UNC93B1: variants seen among roughly 807,000 people sequenced by gnomAD.
UNC93B1 encodes protein unc-93 homolog B1.
UNC93B1 carries 33 observed loss-of-function variants against 56.8 expected under a neutral mutation model. That is an observed-to-expected ratio of 0.58 (90% CI 0.44 to 0.78). The LOEUF is 0.78. Ranked by LOEUF, UNC93B1 falls within the 30% of genes least tolerant of loss-of-function variation. UNC93B1 has a pLI of 0.00. For synonymous variants in UNC93B1, 334 were observed against 358.6 expected, an observed-to-expected ratio of 0.93 and a Z score of 0.77; for missense variants, 673 against 819.5, an observed-to-expected ratio of 0.82 and a Z score of 2.18.
chr11:67,995,547 C>G, intron 9 of UNC93B1, 64 bp downstream of exon 9: 1 of 1,237,528 alleles, frequency 8.1e-7, no homozygotes, highest in Admixed American at 2.8e-5. Flanking sequence ...CGCCAACCAC[C>G]CACAGATAGC....
intron 9 of UNC93B1, among the ~76,000 whole-genome samples, chr11:67,995,266 C>T (rs1461612216): frequency 5.9e-5 from 9 of 152,170 alleles, no homozygotes; most frequent in Non-Finnish European, 1.0e-4. Flanking sequence ...GAGCCCCACA[C>T]CTGCCCCATG....
At position 68,003,378 on chromosome 11, in the gene UNC93B1, C is replaced by G. The variant is rs547863427; in HGVS notation, c.239-203G>C. The G allele has an allele frequency of 3.6e-6, 3 of 838,808 alleles. No homozygotes were observed. In the Admixed American group the frequency reaches 9.9e-5, roughly 28 times the overall value. 52.0% of individuals were successfully genotyped at this position (838,808 alleles called of 1,614,324 possible). ...ACTTGGCCAGCTAAGCCCAGACCCC[C>G]ACCCGCCTTGCTCCGCCGGCCTCCA... On this transcript the variant is annotated intron_variant, in intron 2 of 10. Coordinates refer to ENST00000227471, the MANE Select transcript of UNC93B1 (RefSeq NM_030930.4). The surrounding 1 kb of genome is among the most constrained non-coding windows in gnomAD (Gnocchi z 4.4).
In UNC93B1 at chr11:67,991,897, C is replaced by T. The variant is rs1347978655; in HGVS notation, c.1483-40G>A. ...AGGGATGCCAGGGACCCGCGGCCGC[C>T]TCGCCCCGCACCTTCCCCGCCTATG... On this transcript the variant is annotated intron_variant, in intron 10 of 10. Coordinates refer to ENST00000227471, the MANE Select transcript of UNC93B1 (RefSeq NM_030930.4). 4 of 1,523,470 alleles carry T rather than the reference C, an allele frequency of 2.6e-6. No homozygotes were observed. The South Asian group carries it at 3.7e-5, about 14-fold the overall frequency. The allele number at this position is 1,523,470 out of a possible 1,614,324, so 94.4% of individuals were successfully genotyped here.
At position 67,998,576 on chromosome 11, in the gene UNC93B1, T is replaced by C. The variant is rs1007271811; in HGVS notation, c.688-124A>G. On this transcript the variant is annotated intron_variant, in intron 5 of 10. Coordinates refer to ENST00000227471, the MANE Select transcript of UNC93B1 (RefSeq NM_030930.4). ...ACAGGGGCCTTCCCAGTTCTGGGAG[T>C]AGTGTGGTTACAGGGCCGCCCAATG... 3.2e-6 allele frequency: 3 copies of C among 949,552 alleles called. No homozygotes were observed. In the Admixed American group the frequency reaches 6.3e-5, roughly 20 times the overall value. 58.8% of individuals were successfully genotyped at this position (949,552 alleles called of 1,614,324 possible). A position where few individuals can be genotyped will look rare whatever the true frequency, so the allele number is the denominator to read the frequency against.
At position 68,003,989 on chromosome 11, in the gene UNC93B1, C is replaced by T. The variant is rs1857093412; in HGVS notation, c.55G>A (p.Asp19Asn). 2 of 1,400,106 alleles carry T rather than the reference C, an allele frequency of 1.4e-6. No homozygotes were observed. The highest frequency in any genetic ancestry group is 1.5e-5 in the African/African-American group (1 of 67,004). 86.7% of individuals were successfully genotyped at this position (1,400,106 alleles called of 1,614,324 possible). ...TCCGGGACCCCGAGCAGGTCCTCGTCGCCCTGCGGCCCCGCAGCCCCCGCC... is the reference window on the plus strand; with the variant it reads ...TCCGGGACCCCGAGCAGGTCCTCGTTGCCCTGCGGCCCCGCAGCCCCCGCC... ...PMAGAAGPQG[D>N]EDLLGVPDGP... The change falls in exon 1 of 11, where the codon GAC (aspartate) becomes AAC (asparagine). Residue 19 changes from aspartate (D) to asparagine (N), a missense_variant. This residue lies in a region of UNC93B1 where 438 missense variants were observed against 465.9 expected (regional missense o/e 0.94). Transcript: ENST00000227471. This position sits in a 1 kb window ranked among gnomAD's most constrained non-coding sequence, Gnocchi z 4.4.
chr11:67,996,507 C>A, intron 8 of UNC93B1, 95 bp downstream of exon 8: 1 of 1,431,728 alleles, frequency 7.0e-7, no homozygotes, highest in Non-Finnish European at 9.3e-7. Flanking sequence ...TACACACTTA[C>A]ATATGTAATT....
At chr11:68,002,350 C>A (rs1163874426) in intron 3 of UNC93B1, among the ~76,000 whole-genome samples, 2 of 152,160 alleles carry the variant, frequency 1.3e-5, no homozygotes, top group African/African-American at 2.4e-5. Context: ...TTCAGTTATT[C>A]TAATCCTGCC....
In UNC93B1 at chr11:68,003,747, GCTC is replaced by G. The variant is rs767892224; in HGVS notation, c.145_147del (p.Glu49del). On this transcript the variant is annotated inframe_deletion, in exon 2 of 11. Coordinates refer to ENST00000227471, the MANE Select transcript of UNC93B1 (RefSeq NM_030930.4). This position sits in a 1 kb window ranked among gnomAD's most constrained non-coding sequence, Gnocchi z 4.4. ...AGGCGCTTGCGGCGGTAGTAGCGGC[GCTC>G]CTCCTCCTCCTCGTTGTAGTTGGGG... The G allele has an allele frequency of 1.5e-4, 230 of 1,521,396 alleles. No homozygotes were observed. Among genetic ancestry groups the G allele is most frequent in the East Asian group, 8.7e-4 (34 of 38,944 alleles). 94.2% of individuals were successfully genotyped at this position (1,521,396 alleles called of 1,614,324 possible).
chr11:67,999,026 A>T (rs1286117854), intron 5 of UNC93B1, 147 bp downstream of exon 5: 53 of 1,318,568 alleles, frequency 4.0e-5, no homozygotes, highest in Non-Finnish European at 5.2e-5. Context: ...AGGAGTTCAA[A>T]GCCATCTGGG....
At chr11:68,000,881 G>A (rs898261235) in intron 3 of UNC93B1, among the ~76,000 whole-genome samples, 1 of 152,058 alleles carries the variant, frequency 6.6e-6, no homozygotes, top group African/African-American at 2.4e-5. Context: ...AAATTATTGG[G>A]AATGAAATTG....
chr11:67,999,134 C>T (rs1159803116), intron 5 of UNC93B1, 39 bp downstream of exon 5: 1 of 1,612,544 alleles, frequency 6.2e-7, no homozygotes, highest in Non-Finnish European at 8.5e-7. Context: ...ATGCGTGGGT[C>T]TGCCCCTGCC....
chr11:67,993,193 C>G (rs1419944132), intron 10 of UNC93B1, among the ~76,000 whole-genome samples: 1 of 151,992 alleles, frequency 6.6e-6, no homozygotes, highest in South Asian at 2.1e-4. Flanking sequence ...TTCACCATGT[C>G]GGTCAGGCTG....
chr11:67,994,167 C>T (rs560774933), intron 9 of UNC93B1, among the ~76,000 whole-genome samples: 2 of 152,312 alleles, frequency 1.3e-5, no homozygotes, highest in African/African-American at 2.4e-5. Context: ...CTAGAGAGAT[C>T]GAACTGTTTG....
intron 9 of UNC93B1, among the ~76,000 whole-genome samples, chr11:67,994,995 C>G (rs574857932): frequency 3.3e-5 from 5 of 152,316 alleles, no homozygotes; most frequent in African/African-American, 1.2e-4. Context: ...CCCAGCAGCC[C>G]AGACCTGGGG....
intron 9 of UNC93B1, among the ~76,000 whole-genome samples, chr11:67,995,163 C>A (rs1447342137): frequency 6.6e-6 from 1 of 152,186 alleles, no homozygotes; most frequent in Non-Finnish European, 1.5e-5. Flanking sequence ...CTCCAAGTGT[C>A]ATGAAAACTA....
At chr11:67,998,267 C>T in intron 6 of UNC93B1, 92 bp downstream of exon 6, 1 of 1,457,550 alleles carries the variant, frequency 6.9e-7, no homozygotes, top group Non-Finnish European at 9.6e-7. Flanking sequence ...CACTGGGCTG[C>T]CAGCCCTGAA....
chr11:67,995,034 T>C (rs4014618), intron 9 of UNC93B1, among the ~76,000 whole-genome samples: 31 of 152,152 alleles, frequency 2.0e-4, no homozygotes, highest in Non-Finnish European at 3.5e-4. Context: ...GCAGACTGGG[T>C]TGGGGCTGCA....
intron 4 of UNC93B1, 60 bp from the exon 5 acceptor site, chr11:67,999,365 T>C (rs977807068): frequency 5.1e-6 from 8 of 1,567,084 alleles, no homozygotes; most frequent in Non-Finnish European, 6.9e-6. Context: ...CTGTGTGTCC[T>C]GCACCCAGAG....
At chr11:67,999,740 C>A (rs1857014731) in intron 3 of UNC93B1, 60 bp from the exon 4 acceptor site, 4 of 1,567,096 alleles carry the variant, frequency 2.6e-6, no homozygotes, top group South Asian at 1.2e-5. Flanking sequence ...TGGCCTGAAG[C>A]CAAACGGGGC....
Sources: allele counts gnomAD v4.1 joint callset (sites outside exome capture counted in the v4.1 genomes callset), GRCh38; gene constraint gnomAD v4.1.1; regional missense constraint gnomAD v4.1.1; non-coding constraint Gnocchi (gnomAD v3.1); transcripts MANE v1.5; gene names NCBI Gene and HGNC (gene_info 2026-07-23, HGNC 2026-07-21).